Variants in CDK12 observed in about 807,000 individuals in gnomAD.
CDK12 encodes the protein cyclin-dependent kinase 12.
CDK12 carries 17 observed loss-of-function variants against 133.8 expected under a neutral mutation model. That is an observed-to-expected ratio of 0.13 (90% CI 0.09 to 0.19). The LOEUF (loss-of-function observed/expected upper bound fraction) is 0.19. CDK12 is among the 10% of genes least tolerant of loss of function. CDK12 has a pLI of 1.00. For synonymous variants in CDK12, 694 were observed against 683.6 expected (o/e 1.02, Z -0.24); for missense variants, 1,508 against 1,818.7 (o/e 0.83, Z 3.11).
Position 39,514,871 on chromosome 17 carries a change from C to T in CDK12, c.2769-860C>T, listed in dbSNP as rs541484961. 1.1e-4 allele frequency among the ~76,000 whole-genome samples: 16 copies of T among 152,086 alleles called. No individual in the cohort carries two copies. In the South Asian group the frequency reaches 3.1e-3, roughly 30 times the overall value. ...AGTTTCCTTGTGCCCTTTTGTAATC[C>T]CTTTCCTCTACCCGTACCCTCCCAT... is the stretch of plus-strand genomic sequence containing the variant. On this transcript the variant is annotated intron_variant, in intron 8 of 13. Transcript: ENST00000447079.
upstream of CDK12, chr17:39,546,870 C>G (rs954149813): frequency 4.6e-5 from 7 of 152,216 alleles, no homozygotes; most frequent in Non-Finnish European, 1.0e-4. Flanking sequence ...CTTGGTGACT[C>G]GCCTGTATGT....
chr17:39,463,223 A>G (rs2049071389), intron 1 of CDK12, 106 bp downstream of exon 1: 3 of 964,734 alleles, frequency 3.1e-6, no homozygotes, highest in Admixed American at 2.4e-5. Context: ...ATCATTGACT[A>G]GAACACTTTG....
intron 1 of CDK12, among the ~76,000 whole-genome samples, chr17:39,468,102 G>C (rs1457350989): frequency 8.5e-6 from 1 of 117,836 alleles, no homozygotes; most frequent in Non-Finnish European, 1.9e-5. Context: ...CACCATATTG[G>C]TCAGGCTGGT....
Position 39,490,675 on chromosome 17 carries a change from G to T in CDK12, c.2050G>T (p.Asp684Tyr). ...CCCTGGTGGAGATCTGTCTCCCCCA[G>T]ACTCTCCAGAACCAAAGGCAATCAC... is the stretch of plus-strand genomic sequence containing the variant. ...ELPGGDLSPP[D>Y]SPEPKAITPP... Residue 684 changes from aspartate (D) to tyrosine (Y), a missense_variant, in exon 3 of 14, where the codon GAC becomes TAC. Asp to Tyr is a radical substitution (Grantham distance 160). Transcript: ENST00000447079. 1 of 1,613,556 alleles carries T rather than the reference G, an allele frequency of 6.2e-7. No homozygotes were observed. Among genetic ancestry groups the T allele is most frequent in the African/African-American group, 1.3e-5 (1 of 74,934 alleles).
intron 11 of CDK12, among the ~76,000 whole-genome samples, chr17:39,522,618 G>C (rs1354720529): frequency 6.6e-6 from 1 of 151,804 alleles, no homozygotes; most frequent in East Asian, 2.0e-4. Flanking sequence ...ATTTTTAGTA[G>C]AGATGAGGTT....
intron 8 of CDK12, among the ~76,000 whole-genome samples, chr17:39,513,736 T>G (rs1567762139): frequency 1.3e-5 from 2 of 152,244 alleles, no homozygotes; most frequent in African/African-American, 4.8e-5. Flanking sequence ...AAGTTAGACA[T>G]TCTTCAAAGC....
chr17:39,523,741 C>T (rs907097601), intron 11 of CDK12, among the ~76,000 whole-genome samples: 5 of 150,386 alleles, frequency 3.3e-5, no homozygotes, highest in African/African-American at 1.2e-4. Context: ...GCAGCCTCCA[C>T]CTCCCAGGTT....
Position 39,530,854 on chromosome 17 carries a change from T to G in CDK12, c.4011T>G (p.Thr1337=). Residue 1337 remains threonine (T), a synonymous_variant, in exon 14 of 14, where the codon ACT becomes ACG. Transcript: ENST00000447079. ...EYSTRPRPNR[T]YGNTDGPETG... ...CCACCCGACCCCGTCCAAACAGGAC[T>G]TATGGAAACACTGATGGGCCTGAAA... The G allele has an allele frequency of 6.2e-7, 1 of 1,614,216 alleles. No individual in the cohort carries two copies. Among genetic ancestry groups the G allele is most frequent in the Non-Finnish European group, 8.5e-7 (1 of 1,180,046 alleles).
Position 39,530,720 on chromosome 17 carries a change from T to C in CDK12, c.3877T>C (p.Leu1293=), listed in dbSNP as rs770818949. 2 of 1,573,398 alleles carry C rather than the reference T, an allele frequency of 1.3e-6. No individual in the cohort carries two copies. The highest frequency in any genetic ancestry group is 1.1e-5 in the South Asian group (1 of 90,440). The change falls in exon 14 of 14, where the codon TTG becomes CTG. Residue 1293 remains leucine, a synonymous_variant. Coordinates refer to ENST00000447079, the MANE Select transcript of CDK12 (RefSeq NM_016507.4). ...CGATCTTTCCAGCGCCCCCCAGGAG[T>C]TGAACCCAGCCGTGACAGCCGCCTT... is the stretch of plus-strand genomic sequence containing the variant. ...EGDLSSAPQE[L]NPAVTAALLQ... is the part of the protein sequence containing the mutation.
upstream of CDK12, among the ~76,000 whole-genome samples, chr17:39,542,980 C>T (rs1464616948): frequency 1.3e-5 from 2 of 152,270 alleles, no homozygotes; most frequent in East Asian, 3.9e-4. Flanking sequence ...GGTTGGATAG[C>T]AGGAAAAGAT....
chr17:39,512,769 G>T (rs1392489870), intron 8 of CDK12, among the ~76,000 whole-genome samples: 1 of 152,144 alleles, frequency 6.6e-6, no homozygotes, highest in African/African-American at 2.4e-5. Flanking sequence ...TATAGAAAAG[G>T]TAGGATAAAA....
rs750674097 is a variant in CDK12 at position 39,530,703 on chromosome 17, C to G, written c.3860C>G (p.Ser1287Cys). Residue 1287 changes from serine to cysteine, a missense_variant, in exon 14 of 14, where the codon TCC becomes TGC. Physicochemically the swap from Ser to Cys is moderately radical, Grantham distance 112. Coordinates refer to ENST00000447079, the MANE Select transcript of CDK12 (RefSeq NM_016507.4). ...CCCCCTCTGGTTGAAGGCGATCTTT[C>G]CAGCGCCCCCCAGGAGTTGAACCCA... ...PPPPLVEGDL[S>C]SAPQELNPAV... is the part of the protein sequence containing the mutation. 6.4e-7 allele frequency: 1 copy of G among 1,566,128 alleles called. No individual in the cohort carries two copies.
intron 2 of CDK12, among the ~76,000 whole-genome samples, chr17:39,478,056 T>G (rs1377295745): frequency 6.8e-6 from 1 of 147,180 alleles, no homozygotes; most frequent in Non-Finnish European, 1.5e-5. Flanking sequence ...CATCTCCTCC[T>G]CCACCTCTTT....
chr17:39,515,818 T>G lies in CDK12; in HGVS notation c.2846+10T>G, dbSNP rs770821098. Reference sequence around the variant, plus strand: ...AGCTAGAACTGATCAGGTACAGCTGTACATGTGCTCTTGAGTGCCCAGGTG... The same window carrying G: ...AGCTAGAACTGATCAGGTACAGCTGGACATGTGCTCTTGAGTGCCCAGGTG... On this transcript the variant is annotated intron_variant, in intron 9 of 13. Transcript: ENST00000447079. 6.3e-7 allele frequency: 1 copy of G among 1,595,976 alleles called. No homozygotes were observed. The highest frequency in any genetic ancestry group is 8.6e-7 in the Non-Finnish European group (1 of 1,167,312).
chr17:39,474,753 A>T (rs1292792963), intron 2 of CDK12, among the ~76,000 whole-genome samples: 1 of 149,604 alleles, frequency 6.7e-6, no homozygotes, highest in Non-Finnish European at 1.5e-5. Context: ...GAATGGCTCC[A>T]TCACTATAGA....
intron 12 of CDK12, 28 bp downstream of exon 12, chr17:39,524,913 T>C: frequency 6.3e-7 from 1 of 1,575,966 alleles, no homozygotes; most frequent in Middle Eastern, 1.9e-4. Context: ...GCCTTTGTGC[T>C]TTTGCTAAGC....
chr17:39,483,268 CTT>C (rs879881959), intron 2 of CDK12, among the ~76,000 whole-genome samples: 4 of 143,538 alleles, frequency 2.8e-5, no homozygotes, highest in Admixed American at 7.0e-5. Context: ...TGTTTCTTTT[CTT>C]TTTTTTTTTT....
chr17:39,521,227 A>G (rs2054146057), intron 11 of CDK12, among the ~76,000 whole-genome samples: 1 of 151,794 alleles, frequency 6.6e-6, no homozygotes, highest in Non-Finnish European at 1.5e-5. Flanking sequence ...TGGCCTCTCA[A>G]AGTGCTGGGA....
intron 13 of CDK12, chr17:39,530,326 C>G (rs572259099): frequency 4.8e-5 from 17 of 355,724 alleles, no homozygotes; most frequent in Non-Finnish European, 7.6e-5. Context: ...TAGAACAGTT[C>G]TTTAAAGGAA....
Sources: allele counts gnomAD v4.1 joint callset (sites outside exome capture counted in the v4.1 genomes callset), GRCh38; gene constraint gnomAD v4.1.1; transcripts MANE v1.5; gene names NCBI Gene and HGNC (gene_info 2026-07-23, HGNC 2026-07-21).